KCNN3: variants seen among roughly 807,000 people sequenced by gnomAD.
KCNN3 encodes small conductance calcium-activated potassium channel protein 3.
In KCNN3, 16 loss-of-function variants were observed where a neutral mutation model predicts 62.9. The observed-to-expected ratio is 0.25, with a 90% CI of 0.17 to 0.39. The LOEUF (loss-of-function observed/expected upper bound fraction) is 0.39. KCNN3 is among the 10% of genes least tolerant of loss of function. KCNN3 has a pLI of 1.00. For missense variants in KCNN3, 599 were observed against 949.4 expected, an observed-to-expected ratio of 0.63 and a Z score of 4.85; for synonymous variants, 370 against 389.2, an observed-to-expected ratio of 0.95 and a Z score of 0.58.
At chr1:154,777,594 G>A (rs1218607867) in intron 2 of KCNN3, among the ~76,000 whole-genome samples, 1 of 152,200 alleles carries the variant, frequency 6.6e-6, no homozygotes, top group African/African-American at 2.4e-5. Context: ...GCCTTAGAAA[G>A]TTCTAGAGCA....
chr1:154,766,749 G>A (rs566100011), intron 3 of KCNN3, among the ~76,000 whole-genome samples: 83 of 149,810 alleles, frequency 5.5e-4, no homozygotes, highest in African/African-American at 1.6e-3. Flanking sequence ...GCGTGATCTC[G>A]GCTCACTGCA....
intron 1 of KCNN3, among the ~76,000 whole-genome samples, chr1:154,835,781 GCA>G (rs1348823391): frequency 6.6e-6 from 1 of 152,136 alleles, no homozygotes; most frequent in African/African-American, 2.4e-5. Flanking sequence ...GCATTTTCTT[GCA>G]CAGTTTCCTA....
At chr1:154,731,700 C>T (rs1700596541) in intron 4 of KCNN3, among the ~76,000 whole-genome samples, 1 of 152,040 alleles carries the variant, frequency 6.6e-6, no homozygotes, top group Non-Finnish European at 1.5e-5. Flanking sequence ...TGAGGGATCA[C>T]TGCAAGGAAG....
At chr1:154,759,008 A>T (rs950139564) in intron 3 of KCNN3, among the ~76,000 whole-genome samples, 1 of 152,178 alleles carries the variant, frequency 6.6e-6, no homozygotes, top group Non-Finnish European at 1.5e-5. Flanking sequence ...GCGTTTCGCC[A>T]TGTTGGCCAG....
chr1:154,738,559 C>T lies in KCNN3; in HGVS notation c.1449-5415G>A, dbSNP rs189842503. 9.2e-4 allele frequency among the ~76,000 whole-genome samples: 140 copies of T among 152,286 alleles called. 1 individual carries two copies. Among genetic ancestry groups the T allele is most frequent in the African/African-American group, 3.0e-3 (126 of 41,562 alleles). On this transcript the variant is annotated intron_variant, in intron 3 of 7. Transcript: ENST00000271915. ...GGAGGAAGACAAGGAATAAAGGTAACGAGCTCAGGGTGATGCTACAGGGAG... is the reference window on the plus strand; with the variant it reads ...GGAGGAAGACAAGGAATAAAGGTAATGAGCTCAGGGTGATGCTACAGGGAG...
At chr1:154,746,922 G>A (rs1282241679) in intron 3 of KCNN3, among the ~76,000 whole-genome samples, 1 of 152,164 alleles carries the variant, frequency 6.6e-6, no homozygotes, top group Non-Finnish European at 1.5e-5. Context: ...TAGGTGCATG[G>A]GTCCCCCCAA....
chr1:154,851,732 C>T (rs1247945768), intron 1 of KCNN3, among the ~76,000 whole-genome samples: 1 of 152,224 alleles, frequency 6.6e-6, no homozygotes, highest in African/African-American at 2.4e-5. Flanking sequence ...CCATCACCAC[C>T]CTCACCTGAG....
intron 2 of KCNN3, among the ~76,000 whole-genome samples, chr1:154,805,996 G>T (rs188570710): frequency 6.8e-4 from 104 of 152,358 alleles, no homozygotes; most frequent in Middle Eastern, 3.4e-3. Context: ...AGAAGCAGGA[G>T]AGTCAGTGTC....
chr1:154,805,410 G>A (rs909105213), intron 2 of KCNN3, among the ~76,000 whole-genome samples: 1 of 152,196 alleles, frequency 6.6e-6, no homozygotes, highest in African/African-American at 2.4e-5. Context: ...CCCTAGGGGT[G>A]GGACTCAGGC....
intron 7 of KCNN3, among the ~76,000 whole-genome samples, chr1:154,708,953 T>C (rs1398016386): frequency 6.6e-6 from 1 of 152,044 alleles, no homozygotes; most frequent in African/African-American, 2.4e-5. Context: ...GGGTGGGACA[T>C]CCCTGAAGGG....
intron 2 of KCNN3, among the ~76,000 whole-genome samples, chr1:154,812,201 CTT>C (rs1193952389): frequency 6.6e-6 from 1 of 152,134 alleles, no homozygotes; most frequent in East Asian, 1.9e-4. Context: ...AACGGATTAA[CTT>C]TGAAAAAGTC....
chr1:154,753,969 G>A lies in KCNN3; in HGVS notation c.1448+18006C>T, dbSNP rs574008369. On this transcript the variant is annotated intron_variant, in intron 3 of 7. Coordinates refer to ENST00000271915, the MANE Select transcript of KCNN3 (RefSeq NM_002249.6). The stretch of plus-strand genomic sequence containing the variant: ...GGTCCGTTGTCAAGCCAGGCTATGA[G>A]CGCACGTTTCTGACTCCAGGGGCCA... Among the ~76,000 whole-genome samples the A allele has an allele frequency of 7.2e-4, 109 of 152,310 alleles. 1 individual carries two copies. The highest frequency in any genetic ancestry group is 2.4e-3 in the African/African-American group (101 of 41,552).
At chr1:154,774,554 T>C (rs1273979070) in intron 2 of KCNN3, among the ~76,000 whole-genome samples, 2 of 152,272 alleles carry the variant, frequency 1.3e-5, no homozygotes, top group African/African-American at 4.8e-5. Flanking sequence ...GTGGGCCTCC[T>C]GTGCAGGCAC....
At chr1:154,826,574 C>T (rs1651142289) in intron 1 of KCNN3, among the ~76,000 whole-genome samples, 1 of 152,256 alleles carries the variant, frequency 6.6e-6, no homozygotes, top group South Asian at 2.1e-4. Flanking sequence ...CCCAGCACCC[C>T]ACCTGCTCTG....
chr1:154,799,155 G>T (rs1225573768), intron 2 of KCNN3, among the ~76,000 whole-genome samples: 2 of 152,208 alleles, frequency 1.3e-5, no homozygotes, highest in South Asian at 4.2e-4. Context: ...GACTTCAAGT[G>T]ATCTGCCTGC....
At chr1:154,753,673 G>A (rs766432876) in intron 3 of KCNN3, among the ~76,000 whole-genome samples, 29 of 152,364 alleles carry the variant, frequency 1.9e-4, no homozygotes, top group African/African-American at 4.6e-4. Context: ...AATAGGGACC[G>A]TGGGTTCCCC....
intron 7 of KCNN3, among the ~76,000 whole-genome samples, chr1:154,711,202 A>G (rs998301699): frequency 6.6e-6 from 1 of 151,352 alleles, no homozygotes; most frequent in Admixed American, 6.6e-5. Flanking sequence ...AGGGACATGG[A>G]TGAAACTGGA....
chr1:154,786,943 G>A (rs1649308921), intron 2 of KCNN3, among the ~76,000 whole-genome samples: 1 of 152,162 alleles, frequency 6.6e-6, no homozygotes, highest in African/African-American at 2.4e-5. Context: ...GTCCTTTCCT[G>A]CCCTGTAATT....
chr1:154,802,241 G>A (rs545042799), intron 2 of KCNN3, among the ~76,000 whole-genome samples: 7 of 152,290 alleles, frequency 4.6e-5, no homozygotes, highest in Non-Finnish European at 7.4e-5. Flanking sequence ...GGATTTAAAC[G>A]TGGATCTATT....
Sources: allele counts gnomAD v4.1 joint callset (sites outside exome capture counted in the v4.1 genomes callset), GRCh38; gene constraint gnomAD v4.1.1; transcripts MANE v1.5; gene names NCBI Gene and HGNC (gene_info 2026-07-23, HGNC 2026-07-21).